Variants in STIM1 observed in about 807,000 individuals in gnomAD.
STIM1 encodes stromal interaction molecule 1.
In STIM1, 25 loss-of-function variants were observed where a neutral mutation model predicts 74.7. That is an observed-to-expected ratio of 0.33 (90% CI 0.24 to 0.47). The LOEUF is 0.47. Among genes scored for constraint, STIM1 ranks in the 20% least tolerant of loss-of-function variants. The probability of loss-of-function intolerance (pLI) is 1.00; values close to 1 mark genes in which losing one functional copy is unlikely to be tolerated. For synonymous variants in STIM1, 328 were observed against 348.8 expected, an observed-to-expected ratio of 0.94 and a Z score of 0.66; for missense variants, 728 against 920.8, an observed-to-expected ratio of 0.79 and a Z score of 2.71.
intron 1 of STIM1, chr11:3,892,733 C>G (rs1418378938): frequency 1.5e-5 from 24 of 1,613,072 alleles, no homozygotes; most frequent in Middle Eastern, 1.7e-4. Context: ...TCTGTGAAAG[C>G]AGGAACCCTT....
At chr11:3,988,299 CA>C (rs1364376560) in intron 2 of STIM1, among the ~76,000 whole-genome samples, 2 of 152,138 alleles carry the variant, frequency 1.3e-5, no homozygotes, top group Non-Finnish European at 2.9e-5. Flanking sequence ...CAGGGATCAG[CA>C]AACTGTTTTT....
chr11:3,895,981 T>C (rs376606088), intron 1 of STIM1, among the ~76,000 whole-genome samples: 1 of 150,752 alleles, frequency 6.6e-6, no homozygotes, highest in Non-Finnish European at 1.5e-5. Flanking sequence ...CTCGGCTCAC[T>C]GCAAGCTCCG....
intron 5 of STIM1, among the ~76,000 whole-genome samples, chr11:4,061,951 A>G (rs2094333807): frequency 6.6e-6 from 1 of 152,178 alleles, no homozygotes; most frequent in Admixed American, 6.5e-5. Context: ...CAGAGACAGA[A>G]TGTAGACTAA....
intron 5 of STIM1, among the ~76,000 whole-genome samples, chr11:4,069,456 C>T (rs536559873): frequency 6.6e-6 from 1 of 152,270 alleles, no homozygotes; most frequent in South Asian, 2.1e-4. Flanking sequence ...CTGGATTTCA[C>T]AGTAGCCTAG....
intron 5 of STIM1, among the ~76,000 whole-genome samples, chr11:4,064,131 T>G (rs564132786): frequency 6.6e-6 from 1 of 152,346 alleles, no homozygotes; most frequent in Admixed American, 6.5e-5. Flanking sequence ...GCTAAGGTTT[T>G]AGAAATCAGC....
intron 1 of STIM1, among the ~76,000 whole-genome samples, chr11:3,938,424 G>A (rs547284665): frequency 7.9e-5 from 12 of 152,270 alleles, no homozygotes; most frequent in Non-Finnish European, 1.5e-4. Flanking sequence ...TTCCCCAAGA[G>A]CAATGTGTGC....
intron 7 of STIM1, among the ~76,000 whole-genome samples, chr11:4,076,070 A>T (rs1051955135): frequency 2.0e-5 from 3 of 152,160 alleles, no homozygotes; most frequent in Non-Finnish European, 4.4e-5. Flanking sequence ...GTCTTTTGTC[A>T]ATATAAATAC....
intron 3 of STIM1, among the ~76,000 whole-genome samples, chr11:4,039,373 G>T (rs1021184927): frequency 8.6e-5 from 13 of 151,874 alleles, no homozygotes; most frequent in Non-Finnish European, 1.5e-4. Flanking sequence ...TGGATCACAA[G>T]GTCAGGAGTT....
chr11:3,855,648 C>T (rs2090335151), upstream of STIM1: 1 of 147,390 alleles, frequency 6.8e-6, no homozygotes, highest in South Asian at 2.0e-4. Flanking sequence ...CCGCCCCGCG[C>T]CGCCCGCCCG....
intron 1 of STIM1, among the ~76,000 whole-genome samples, chr11:3,877,744 T>C (rs1033314087): frequency 6.6e-6 from 1 of 152,196 alleles, no homozygotes; most frequent in African/African-American, 2.4e-5. Flanking sequence ...TGTTGGGAGT[T>C]GCAGCAGGTT....
At chr11:3,954,845 C>T (rs2093191918) in intron 1 of STIM1, among the ~76,000 whole-genome samples, 1 of 152,190 alleles carries the variant, frequency 6.6e-6, no homozygotes, top group Non-Finnish European at 1.5e-5. Context: ...TTGGCAGTTA[C>T]TTGAAATGTT....
chr11:3,992,381 T>C (rs1292916037), intron 2 of STIM1, among the ~76,000 whole-genome samples: 1 of 152,032 alleles, frequency 6.6e-6, no homozygotes, highest in Non-Finnish European at 1.5e-5. Flanking sequence ...GCCACTGCAC[T>C]TTAGCCTGGG....
intron 2 of STIM1, among the ~76,000 whole-genome samples, chr11:3,983,847 GCTC>G (rs375641336): frequency 6.6e-6 from 1 of 151,322 alleles, no homozygotes; most frequent in Non-Finnish European, 1.5e-5. Flanking sequence ...TTCTCTTTCT[GCTC>G]CTCCTCCTCC....
intron 3 of STIM1, among the ~76,000 whole-genome samples, chr11:4,048,394 A>G (rs2094210804): frequency 6.6e-6 from 1 of 152,252 alleles, no homozygotes; most frequent in Non-Finnish European, 1.5e-5. Flanking sequence ...AAGTGTAAAC[A>G]AAAACAGATT....
chr11:4,068,456 A>G (rs765719799), intron 5 of STIM1, among the ~76,000 whole-genome samples: 13 of 152,188 alleles, frequency 8.5e-5, no homozygotes, highest in Non-Finnish European at 1.5e-4. Context: ...CAGGGGAGAC[A>G]AAGAATACCC....
chr11:4,041,576 A>G (rs554051060), intron 3 of STIM1, among the ~76,000 whole-genome samples: 1 of 152,180 alleles, frequency 6.6e-6, no homozygotes, highest in East Asian at 1.9e-4. Flanking sequence ...TGCAAATTCA[A>G]ATCAAGACAC....
intron 1 of STIM1, among the ~76,000 whole-genome samples, chr11:3,877,763 C>T (rs1324554162): frequency 6.6e-6 from 1 of 152,148 alleles, no homozygotes; most frequent in Non-Finnish European, 1.5e-5. Context: ...TTTGCCTGCC[C>T]TTGTCATATA....
At chr11:4,047,921 T>C (rs2133041195) in intron 3 of STIM1, among the ~76,000 whole-genome samples, 1 of 150,710 alleles carries the variant, frequency 6.6e-6, no homozygotes, top group African/African-American at 2.4e-5. Context: ...CAGGTTCGAG[T>C]GATTCTTCTG....
At chr11:4,078,634 C>A (rs568125471) in intron 7 of STIM1, among the ~76,000 whole-genome samples, 4 of 151,552 alleles carry the variant, frequency 2.6e-5, no homozygotes, top group African/African-American at 9.7e-5. Context: ...ATGGCACAAT[C>A]TCGGCTCACT....
Sources: gnomAD v4.1 joint callset for allele counts (sites outside exome capture counted in the v4.1 genomes callset) on GRCh38, gnomAD v4.1.1 for gene constraint, MANE v1.5 for transcripts, NCBI Gene and HGNC (gene_info 2026-07-23, HGNC 2026-07-21) for gene names.